PTPRD: variants seen among roughly 807,000 people sequenced by gnomAD.
PTPRD encodes receptor-type tyrosine-protein phosphatase delta.
PTPRD carries 34 observed loss-of-function variants against 214.5 expected under a neutral mutation model. The observed-to-expected ratio is 0.16, with a 90% CI of 0.12 to 0.21. The LOEUF is 0.21. PTPRD is among the 10% of genes least tolerant of loss of function. The pLI, the probability that PTPRD is intolerant of heterozygous loss-of-function variation, is 1.00. For missense variants in PTPRD, 2,545 were observed against 2,398.7 expected (o/e 1.06, Z -1.27); for synonymous variants, 1,128 against 845.7 (o/e 1.33, Z -5.79).
At chr9:10,429,741 G>C (rs2098659581) in intron 2 of PTPRD, among the ~76,000 whole-genome samples, 1 of 151,410 alleles carries the variant, frequency 6.6e-6, no homozygotes, top group African/African-American at 2.4e-5. Flanking sequence ...AGGGGGCTAA[G>C]GGGAGTGGAA....
chr9:8,857,591 G>C (rs1249699805), intron 11 of PTPRD: 1 of 152,934 alleles, frequency 6.5e-6, no homozygotes, highest in Non-Finnish European at 1.5e-5. Flanking sequence ...GGAGCAGCAA[G>C]AGGGGAAGAC....
intron 34 of PTPRD, among the ~76,000 whole-genome samples, chr9:8,440,038 C>T (rs75940201): frequency 0.021 from 2,821 of 136,634 alleles, 44 homozygotes; most frequent in Admixed American, 0.066. Flanking sequence ...TTTTAAAGTT[C>T]CTCAGCACTG....
chr9:10,522,603 G>C (rs1330454157), intron 2 of PTPRD, among the ~76,000 whole-genome samples: 2 of 152,068 alleles, frequency 1.3e-5, no homozygotes, highest in African/African-American at 4.8e-5. Flanking sequence ...TGTACTGAGA[G>C]AAGCTTATAA....
At chr9:8,359,365 C>T (rs1044147352) in intron 39 of PTPRD, among the ~76,000 whole-genome samples, 2 of 151,864 alleles carry the variant, frequency 1.3e-5, no homozygotes, top group Admixed American at 6.6e-5. Context: ...CGCTCTGTTG[C>T]CCAGGCTGGA....
chr9:9,850,665 ATTTG>A (rs1485691533), intron 5 of PTPRD, among the ~76,000 whole-genome samples: 2 of 152,200 alleles, frequency 1.3e-5, no homozygotes, highest in Non-Finnish European at 2.9e-5. Context: ...TGTATCACAT[ATTTG>A]TTTTTTATTG....
intron 3 of PTPRD, among the ~76,000 whole-genome samples, chr9:10,051,430 T>TC (rs2097533124): frequency 6.6e-6 from 1 of 152,058 alleles, no homozygotes; most frequent in Non-Finnish European, 1.5e-5. Context: ...GATATTACAA[T>TC]CTTTTTTTTC....
intron 5 of PTPRD, among the ~76,000 whole-genome samples, chr9:9,927,937 A>G (rs1326477449): frequency 1.3e-5 from 2 of 152,148 alleles, no homozygotes; most frequent in East Asian, 3.9e-4. Flanking sequence ...ATTTTACTAC[A>G]TATTGTTTGG....
chr9:9,991,425 G>A (rs768615540), intron 4 of PTPRD, among the ~76,000 whole-genome samples: 3 of 150,608 alleles, frequency 2.0e-5, no homozygotes, highest in Non-Finnish European at 4.4e-5. Context: ...GCAATGTTGT[G>A]ATCTCAGCTC....
chr9:9,651,266 G>A (rs1055839514), intron 7 of PTPRD, among the ~76,000 whole-genome samples: 1 of 151,970 alleles, frequency 6.6e-6, no homozygotes, highest in Non-Finnish European at 1.5e-5. Flanking sequence ...TTAAGTTCAA[G>A]GATACAAGTG....
At chr9:9,293,478 G>A (rs1192808578) in intron 9 of PTPRD, among the ~76,000 whole-genome samples, 3 of 150,266 alleles carry the variant, frequency 2.0e-5, no homozygotes, top group East Asian at 3.9e-4. Flanking sequence ...TCCTGCTCCA[G>A]TACTAGAATC....
At chr9:9,849,125 G>A (rs1188890837) in intron 5 of PTPRD, among the ~76,000 whole-genome samples, 1 of 151,844 alleles carries the variant, frequency 6.6e-6, no homozygotes, top group Non-Finnish European at 1.5e-5. Flanking sequence ...AAAAAATAAA[G>A]TTGTTGATTT....
At chr9:9,017,967 C>G (rs575413340) in intron 11 of PTPRD, among the ~76,000 whole-genome samples, 1 of 152,028 alleles carries the variant, frequency 6.6e-6, no homozygotes, top group Non-Finnish European at 1.5e-5. Context: ...TTCCACCTCT[C>G]TTTTGTTTCT....
chr9:8,733,577 G>T (rs187942657), intron 12 of PTPRD, among the ~76,000 whole-genome samples: 4 of 152,218 alleles, frequency 2.6e-5, no homozygotes, highest in Admixed American at 6.5e-5. Flanking sequence ...ACAAGAAAAG[G>T]GGCATTAAAA....
intron 36 of PTPRD, among the ~76,000 whole-genome samples, chr9:8,397,877 T>A (rs1381399599): frequency 1.3e-5 from 2 of 152,134 alleles, no homozygotes; most frequent in African/African-American, 4.8e-5. Flanking sequence ...TATGCTTGGA[T>A]TTTTTTGAAT....
chr9:9,998,121 A>AT (rs1326721044), intron 4 of PTPRD, among the ~76,000 whole-genome samples: 1,403 of 50,198 alleles, frequency 0.028, 42 homozygotes, highest in East Asian at 0.094. Flanking sequence ...ATAATAAAAA[A>AT]AAAAAAAAAT....
intron 12 of PTPRD, among the ~76,000 whole-genome samples, chr9:8,733,511 T>G (rs1001726931): frequency 2.6e-5 from 4 of 152,138 alleles, no homozygotes; most frequent in African/African-American, 9.7e-5. Flanking sequence ...ATATCTTTGC[T>G]ACCAGGCTGA....
At chr9:10,443,051 A>G (rs1265213531) in intron 2 of PTPRD, among the ~76,000 whole-genome samples, 1 of 151,114 alleles carries the variant, frequency 6.6e-6, no homozygotes, top group African/African-American at 2.4e-5. Flanking sequence ...GAAAATGAAC[A>G]GAGGAATAGA....
At chr9:9,804,483 C>G (rs1396861654) in intron 5 of PTPRD, among the ~76,000 whole-genome samples, 2 of 152,046 alleles carry the variant, frequency 1.3e-5, no homozygotes. Context: ...TTTTATATGG[C>G]TTTTAACAAC....
chr9:9,013,885 G>A (rs1054189943), intron 11 of PTPRD, among the ~76,000 whole-genome samples: 13 of 152,200 alleles, frequency 8.5e-5, no homozygotes, highest in African/African-American at 2.4e-4. Flanking sequence ...AAGTATCAAC[G>A]TGCAAGGTGA....
Sources: gnomAD v4.1 joint callset for allele counts (sites outside exome capture counted in the v4.1 genomes callset) on GRCh38, gnomAD v4.1.1 for gene constraint, MANE v1.5 for transcripts, NCBI Gene and HGNC (gene_info 2026-07-23, HGNC 2026-07-21) for gene names.